UGGT1: variants seen among roughly 807,000 people sequenced by gnomAD.
UGGT1 encodes the protein UDP-glucose:glycoprotein glucosyltransferase 1.
A neutral mutation model predicts 203.9 loss-of-function variants in UGGT1; 107 were observed. The observed-to-expected ratio is 0.52, with a 90% CI of 0.45 to 0.62. The LOEUF (loss-of-function observed/expected upper bound fraction) is 0.62, where lower values mean the gene tolerates loss of function less well. Ranked by LOEUF, UGGT1 falls within the 20% of genes least tolerant of loss-of-function variation. UGGT1 has a pLI of 0.00. For missense variants in UGGT1, 1,673 were observed against 1,867.2 expected (o/e 0.90, Z 1.92); for synonymous variants, 628 against 653.5 (o/e 0.96, Z 0.59).
In UGGT1 at chr2:128,188,741, C is replaced by T. The variant is rs912455822; in HGVS notation, c.4643-976C>T. Reference sequence around the variant, plus strand: ...CGGAGGATTGCTTGAGCCTGGAGGTCAAGGTTGCAGTGAGCGACTGCACTC... The same window carrying T: ...CGGAGGATTGCTTGAGCCTGGAGGTTAAGGTTGCAGTGAGCGACTGCACTC... On this transcript the variant is annotated intron_variant, in intron 40 of 40. Coordinates refer to ENST00000259253, the MANE Select transcript of UGGT1 (RefSeq NM_020120.4). Among the ~76,000 whole-genome samples, 35 of 152,124 alleles carry T rather than the reference C, an allele frequency of 2.3e-4. 1 individual carries two copies. Among genetic ancestry groups the T allele is most frequent in the Non-Finnish European group, 2.9e-5 (2 of 68,034 alleles).
In UGGT1 at chr2:128,127,511, A is replaced by T. The variant is rs946435216; in HGVS notation, c.1226+59A>T. 5.5e-6 allele frequency: 7 copies of T among 1,262,182 alleles called. No homozygotes were observed. In the East Asian group the frequency reaches 1.4e-4, roughly 25 times the overall value. The allele number at this position is 1,262,182 out of a possible 1,614,324, so 78.2% of individuals were successfully genotyped here. ...TTTGTAATGCGTAGCACCTTGTAAC[A>T]TGTTCATATTGCCGTTCCTTCTTGA... On this transcript the variant is annotated intron_variant, in intron 12 of 40. Coordinates refer to ENST00000259253, the MANE Select transcript of UGGT1 (RefSeq NM_020120.4).
rs1248250383 is a variant in UGGT1, at chr2:128,177,813, T to G, written c.3625-19T>G. On this transcript the variant is annotated intron_variant, in intron 32 of 40. Transcript: ENST00000259253. ...CTGTGAGACATACTGGGAGTAAGGT[T>G]TATCACATTTGATTGCAGGTTCAGA... The G allele has an allele frequency of 6.3e-7, 1 of 1,591,194 alleles. No individual in the cohort carries two copies. The highest frequency in any genetic ancestry group is 8.6e-7 in the Non-Finnish European group (1 of 1,168,750).
At chr2:128,128,262 G>A (rs6730402) in intron 12 of UGGT1, among the ~76,000 whole-genome samples, 136,335 of 151,530 alleles carry the variant, frequency 0.9, 62,128 homozygotes, top group Non-Finnish European at 0.98. Context: ...GTTTTGAGAT[G>A]GAGTCTCAAA....
At position 128,120,360 on chromosome 2, in the gene UGGT1, C is replaced by T; in HGVS notation, c.877C>T (p.Leu293=). 1 of 1,613,128 alleles carries T rather than the reference C, an allele frequency of 6.2e-7. No homozygotes were observed. Among genetic ancestry groups the T allele is most frequent in the Non-Finnish European group, 8.5e-7 (1 of 1,179,760 alleles). The stretch of plus-strand genomic sequence containing the variant: ...TGATTTTTATGTTTCTTTTAGAGAT[C>T]TGCACCCCGACCTGGAGGGACAGTT... The part of the protein sequence containing the change: ...QGFLFGKLRD[L]HPDLEGQLKE... Residue 293 remains leucine, a synonymous_variant, in exon 9 of 41, where the codon CTG becomes TTG. Transcript: ENST00000259253.
intron 2 of UGGT1, 24 bp from the exon 3 acceptor site, chr2:128,103,908 T>G: frequency 6.4e-7 from 1 of 1,557,814 alleles, no homozygotes; most frequent in Non-Finnish European, 8.7e-7. Context: ...ATTAAGTTGT[T>G]TTATTTCTGA....
chr2:128,173,465 T>C (rs955308420), intron 29 of UGGT1, among the ~76,000 whole-genome samples: 1 of 152,156 alleles, frequency 6.6e-6, no homozygotes, highest in Non-Finnish European at 1.5e-5. Context: ...TGTTTTTTTC[T>C]CCTTTCTCTT....
intron 12 of UGGT1, 28 bp downstream of exon 12, chr2:128,127,480 A>G (rs1688659787): frequency 6.5e-7 from 1 of 1,549,122 alleles, no homozygotes; most frequent in Non-Finnish European, 8.9e-7. Flanking sequence ...CATTCTCTGA[A>G]AAGTTTTTGT....
Position 128,116,294 on chromosome 2 carries a change from G to A in UGGT1, c.823G>A (p.Glu275Lys). ...GTEVNTTVIG[E>K]NDPIDEVQGF... ...TGAGGTAAACACCACAGTGATTGGT[G>A]AAAATGATCCTATTGATGAGGTTCA... Residue 275 changes from glutamate (E) to lysine (K), a missense_variant, in exon 8 of 41, where the codon GAA (glutamate) becomes AAA (lysine). Physicochemically the swap from Glu to Lys is moderately conservative, Grantham distance 56 (BLOSUM62 1). This residue lies in a region of UGGT1 where 1,073 missense variants were observed against 1,078.7 expected (regional missense o/e 0.99). Coordinates refer to ENST00000259253, the MANE Select transcript of UGGT1 (RefSeq NM_020120.4). 3.7e-6 allele frequency: 6 copies of A among 1,610,902 alleles called. 1 individual carries two copies. The Middle Eastern group carries it at 6.6e-4, about 177-fold the overall frequency.
At chr2:128,176,041 A>G (rs1558821603) in intron 31 of UGGT1, among the ~76,000 whole-genome samples, 1 of 152,254 alleles carries the variant, frequency 6.6e-6, no homozygotes, top group Non-Finnish European at 1.5e-5. Context: ...GGTTGAGTAC[A>G]GGGCCTATTG....
intron 21 of UGGT1, 45 bp downstream of exon 21, chr2:128,156,460 T>C (rs1376921271): frequency 3.5e-6 from 5 of 1,440,710 alleles, no homozygotes; most frequent in African/African-American, 2.8e-5. Context: ...TTTTCTTCTT[T>C]GGTTTCAGTG....
At chr2:128,117,766 A>G (rs1182807663) in intron 8 of UGGT1, among the ~76,000 whole-genome samples, 2 of 151,346 alleles carry the variant, frequency 1.3e-5, no homozygotes, top group Non-Finnish European at 2.9e-5. Flanking sequence ...AGCCAGGATG[A>G]TCTTGATCTC....
At position 128,192,408 on chromosome 2, in the gene UGGT1, A is replaced by G. The variant is rs1030191750; in HGVS notation, c.*2666A>G. On this transcript the variant is annotated 3_prime_UTR_variant, in exon 41 of 41. Transcript: ENST00000259253. ...AAGATAGGTAAGATATTTTTTTCCCAAGAAGTAAGAATTGATTGTGCTGAA... is the reference window on the plus strand; with the variant it reads ...AAGATAGGTAAGATATTTTTTTCCCGAGAAGTAAGAATTGATTGTGCTGAA... 5 of 152,080 alleles carry G rather than the reference A, an allele frequency of 3.3e-5. No individual in the cohort carries two copies. Among genetic ancestry groups the G allele is most frequent in the African/African-American group, 1.2e-4 (5 of 41,414 alleles). 9.4% of individuals were successfully genotyped at this position (152,080 alleles called of 1,614,324 possible).
Position 128,130,225 on chromosome 2 carries a change from C to T in UGGT1, c.1377+1046C>T, listed in dbSNP as rs1401572024. Among the ~76,000 whole-genome samples, 2 of 147,598 alleles carry T rather than the reference C, an allele frequency of 1.4e-5. 1 individual carries two copies. Reference sequence around the variant, plus strand: ...ACAGGTAGCTGAGATCACGCCACTGCGCTCCAGTCTGGGTGACAGAGCAAG... The same window carrying T: ...ACAGGTAGCTGAGATCACGCCACTGTGCTCCAGTCTGGGTGACAGAGCAAG... On this transcript the variant is annotated intron_variant, in intron 13 of 40. Coordinates refer to ENST00000259253, the MANE Select transcript of UGGT1 (RefSeq NM_020120.4).
chr2:128,160,140 T>G (rs1290313938), intron 23 of UGGT1, among the ~76,000 whole-genome samples: 2 of 152,200 alleles, frequency 1.3e-5, no homozygotes, highest in Non-Finnish European at 2.9e-5. Flanking sequence ...TACAGAATGA[T>G]GAGTATATAC....
intron 18 of UGGT1, among the ~76,000 whole-genome samples, chr2:128,152,285 A>G (rs777964513): frequency 5.9e-5 from 9 of 151,958 alleles, no homozygotes; most frequent in East Asian, 1.9e-4. Flanking sequence ...CTCCTGCCTC[A>G]GCTTCCTGAG....
intron 38 of UGGT1, among the ~76,000 whole-genome samples, chr2:128,184,413 A>T (rs768984713): frequency 5.9e-5 from 9 of 152,206 alleles, no homozygotes; most frequent in Non-Finnish European, 1.0e-4. Context: ...TATACAAAAA[A>T]CATACATACA....
chr2:128,092,155 C>T (rs1328284735), intron 1 of UGGT1, among the ~76,000 whole-genome samples: 1 of 151,886 alleles, frequency 6.6e-6, no homozygotes, highest in Admixed American at 6.6e-5. Flanking sequence ...AAGAATCTTA[C>T]ACTTGCAGGC....
chr2:128,166,240 G>C (rs191277498), intron 26 of UGGT1, among the ~76,000 whole-genome samples: 1 of 152,170 alleles, frequency 6.6e-6, no homozygotes, highest in Admixed American at 6.5e-5. Context: ...TGTTGTGTGC[G>C]TGTGTCTGCA....
intron 15 of UGGT1, among the ~76,000 whole-genome samples, chr2:128,138,453 T>G (rs1190441433): frequency 6.6e-6 from 1 of 151,840 alleles, no homozygotes; most frequent in African/African-American, 2.4e-5. Flanking sequence ...AGACGGAGGT[T>G]GCAGTGAGCC....
Sources: gnomAD v4.1 joint callset for allele counts (sites outside exome capture counted in the v4.1 genomes callset) on GRCh38, gnomAD v4.1.1 for gene constraint, gnomAD v4.1.1 regional missense constraint, MANE v1.5 for transcripts, NCBI Gene and HGNC (gene_info 2026-07-23, HGNC 2026-07-21) for gene names.